Variants in TCP1 observed in about 807,000 individuals in gnomAD.
TCP1 encodes T-complex protein 1 subunit alpha.
TCP1 carries 6 observed loss-of-function variants against 54.7 expected under a neutral mutation model. That is an observed-to-expected ratio of 0.11 (90% confidence interval 0.06 to 0.22). The LOEUF (loss-of-function observed/expected upper bound fraction) is 0.22. TCP1 is among the 10% of genes least tolerant of loss of function. The probability of loss-of-function intolerance (pLI) is 1.00; values close to 1 mark genes in which losing one functional copy is unlikely to be tolerated. For synonymous variants in TCP1, 225 were observed against 229.7 expected (o/e 0.98, Z 0.19); for missense variants, 511 against 678.2 (o/e 0.75, Z 2.74).
chr6:159,787,701 T>C (rs1464695337), intron 3 of TCP1, 42 bp downstream of exon 3: 1 of 1,589,010 alleles, frequency 6.3e-7, no homozygotes, highest in South Asian at 1.1e-5. Context: ...TGAAAGTCGG[T>C]CGTTTTTAGA....
chr6:159,778,875 A>T lies in TCP1; in HGVS notation c.*170T>A. 6.2e-7 allele frequency: 1 copy of T among 1,610,782 alleles called. No homozygotes were observed. The highest frequency in any genetic ancestry group is 1.1e-5 in the South Asian group (1 of 90,842). ...CCTCAATTTCTTTTTAAACTAATAAAGTACTAGGTTGCAATATGTGAAATC... is the reference window on the plus strand; with the variant it reads ...CCTCAATTTCTTTTTAAACTAATAATGTACTAGGTTGCAATATGTGAAATC... On this transcript the variant is annotated 3_prime_UTR_variant, in exon 12 of 12. Transcript: ENST00000321394.
rs9457728 is a variant in TCP1, at chr6:159,787,167, T to C, written c.279+576A>G. 1.8e-3 allele frequency among the ~76,000 whole-genome samples: 267 copies of C among 152,058 alleles called. 1 individual carries two copies. The highest frequency in any genetic ancestry group is 6.2e-3 in the African/African-American group (259 of 41,458). ...ACTCTGGGAGGCTAAGGCAGGAGGATTGCTTGAACCCAGGAGTTCCAGGCT... is the reference window on the plus strand; with the variant it reads ...ACTCTGGGAGGCTAAGGCAGGAGGACTGCTTGAACCCAGGAGTTCCAGGCT... On this transcript the variant is annotated intron_variant, in intron 3 of 11. Coordinates refer to ENST00000321394, the MANE Select transcript of TCP1 (RefSeq NM_030752.3).
At chr6:159,788,204 G>A (rs754580126) in intron 1 of TCP1, 61 bp from the exon 2 acceptor site, 108 of 1,492,890 alleles carry the variant, frequency 7.2e-5, no homozygotes, top group Non-Finnish European at 9.6e-5. Flanking sequence ...CTGAAAGACA[G>A]TAATTTCAGC....
At chr6:159,788,007 T>G (rs751780055) in intron 2 of TCP1, 51 bp downstream of exon 2, 2 of 1,609,584 alleles carry the variant, frequency 1.2e-6, no homozygotes, top group South Asian at 2.2e-5. Flanking sequence ...AGCAAAACAC[T>G]GAAGATAGTT....
At chr6:159,780,633 G>A in intron 8 of TCP1, 67 bp from the exon 9 acceptor site, 2 of 1,559,424 alleles carry the variant, frequency 1.3e-6, no homozygotes, top group South Asian at 1.2e-5. Flanking sequence ...CTTGGACTCA[G>A]TAGCATTTGT....
chr6:159,788,408 C>G (rs937551579), intron 1 of TCP1: 1 of 370,030 alleles, frequency 2.7e-6, no homozygotes, highest in Admixed American at 4.2e-5. Flanking sequence ...GGCAACATAG[C>G]GAAACCCATT....
chr6:159,780,520 A>C lies in TCP1; in HGVS notation c.1020T>G (p.Phe340Leu). 6.2e-7 allele frequency: 1 copy of C among 1,614,106 alleles called. No individual in the cohort carries two copies. The change falls in exon 9 of 12, where the codon TTT (phenylalanine) becomes TTG (leucine). Residue 340 changes from phenylalanine to leucine, a missense_variant. By Grantham distance (22) the Phe-to-Leu change is conservative. Transcript: ENST00000321394. ...TLANLEGEET[F>L]EAAMLGQAEE... ...CTGCCTGTCCCAACATTGCAGCTTC[A>C]AAAGTTTCTTCACCTTCCAAATTGG...
At chr6:159,781,299 C>A (rs1162147557) in intron 7 of TCP1, among the ~76,000 whole-genome samples, 189 bp from the exon 8 acceptor site, 1 of 152,206 alleles carries the variant, frequency 6.6e-6, no homozygotes, top group African/African-American at 2.4e-5. Flanking sequence ...TAGCTCTCCC[C>A]AACCCAAATT....
rs2273828 is a variant in TCP1, at chr6:159,786,017, T to C, written c.280-20A>G. The stretch of plus-strand genomic sequence containing the variant: ...AATAACCTGTTGAGAAAACATTCAC[T>C]GGTCTGAGTGTGCCGGATATTCAAC... On this transcript the variant is annotated intron_variant, in intron 3 of 11. Coordinates refer to ENST00000321394, the MANE Select transcript of TCP1 (RefSeq NM_030752.3). 866,586 of 1,592,990 alleles carry C rather than the reference T, an allele frequency of 0.54. 244,020 individuals carry two copies. The highest frequency in any genetic ancestry group is 0.61 in the Admixed American group (36,337 of 59,652).
At chr6:159,784,515 AG>A (rs1780648721) in intron 6 of TCP1, 150 bp downstream of exon 6, 1 of 756,434 alleles carries the variant, frequency 1.3e-6, no homozygotes, top group Admixed American at 3.0e-5. Context: ...CATATTGGAC[AG>A]GCTGCTCTCA....
At chr6:159,786,422 C>T (rs1780698765) in intron 3 of TCP1, among the ~76,000 whole-genome samples, 1 of 152,108 alleles carries the variant, frequency 6.6e-6, no homozygotes, top group African/African-American at 2.4e-5. Flanking sequence ...GAAACTAGTT[C>T]AGCAATAAGA....
At position 159,779,952 on chromosome 6, in the gene TCP1, A is replaced by G. The variant is rs774406028; in HGVS notation, c.1233T>C (p.Gly411=). The G allele has an allele frequency of 5.6e-6, 9 of 1,614,148 alleles. No homozygotes were observed. The highest frequency in any genetic ancestry group is 7.6e-6 in the Non-Finnish European group (9 of 1,180,026). ...RVLESKSVVP[G]GGAVEAALSI... is the part of the protein sequence containing the mutation. ...AAAGGGCTGCTTCTACAGCACCCCC[A>G]CCGGGAACCACAGATTTTGACTCCA... The change falls in exon 10 of 12, where the codon GGT becomes GGC. Residue 411 remains glycine (G), a synonymous_variant. Transcript: ENST00000321394.
chr6:159,785,867 A>C, intron 4 of TCP1, 33 bp downstream of exon 4: 1 of 1,491,710 alleles, frequency 6.7e-7, no homozygotes, highest in Non-Finnish European at 9.3e-7. Flanking sequence ...CTATTACATC[A>C]AAAAAAATTT....
chr6:159,786,059 G>A (rs2114996453), intron 3 of TCP1, 62 bp from the exon 4 acceptor site: 1 of 1,328,808 alleles, frequency 7.5e-7, no homozygotes, highest in Admixed American at 1.8e-5. Flanking sequence ...AATACATATG[G>A]AATGACACTA....
rs1019686167 is a variant in TCP1, at chr6:159,785,371, C to T, written c.488+15G>A. 1.9e-6 allele frequency: 3 copies of T among 1,593,298 alleles called. No individual in the cohort carries two copies. On this transcript the variant is annotated intron_variant, in intron 5 of 11. Transcript: ENST00000321394. ...TTTAAAAAGTCTAAATTTTATCTGA[C>T]AACCACAAGGATACATTCCAATGAT...
rs764267916 is a variant in TCP1 at position 159,780,899 on chromosome 6, A to T, written c.973+36T>A. The T allele has an allele frequency of 2.6e-6, 4 of 1,554,730 alleles. No individual in the cohort carries two copies. In the African/African-American group the frequency reaches 5.5e-5, roughly 22 times the overall value. On this transcript the variant is annotated intron_variant, in intron 8 of 11. Coordinates refer to ENST00000321394, the MANE Select transcript of TCP1 (RefSeq NM_030752.3). The stretch of plus-strand genomic sequence containing the variant: ...GACCTTTGATAGGATCAGGGATAAT[A>T]AAAGTATTTTATGTGACAGCCAGCA...
At chr6:159,789,339 G>C in intron 1 of TCP1, 66 bp downstream of exon 1, 1 of 1,589,642 alleles carries the variant, frequency 6.3e-7, no homozygotes, top group Non-Finnish European at 8.6e-7. Context: ...GGCAGCCGGG[G>C]TCCGGTCGCG....
At chr6:159,787,927 T>C (rs770165745) in intron 2 of TCP1, 56 bp from the exon 3 acceptor site, 3 of 1,609,552 alleles carry the variant, frequency 1.9e-6, no homozygotes, top group Non-Finnish European at 2.6e-6. Context: ...CACAGCCCCA[T>C]TATAATACAC....
Position 159,778,873 on chromosome 6 carries a change from A to C in TCP1, c.*172T>G. On this transcript the variant is annotated 3_prime_UTR_variant, in exon 12 of 12. Transcript: ENST00000321394. Reference sequence around the variant, plus strand: ...AACCTCAATTTCTTTTTAAACTAATAAAGTACTAGGTTGCAATATGTGAAA... The same window carrying C: ...AACCTCAATTTCTTTTTAAACTAATCAAGTACTAGGTTGCAATATGTGAAA... The C allele has an allele frequency of 6.2e-7, 1 of 1,612,534 alleles. No individual in the cohort carries two copies. Among genetic ancestry groups the C allele is most frequent in the Non-Finnish European group, 8.5e-7 (1 of 1,178,860 alleles).
Sources: gnomAD v4.1 joint callset for allele counts (sites outside exome capture counted in the v4.1 genomes callset) on GRCh38, gnomAD v4.1.1 for gene constraint, MANE v1.5 for transcripts, NCBI Gene and HGNC (gene_info 2026-07-23, HGNC 2026-07-21) for gene names.